The following GNAQ variants were observed in gnomAD, a reference collection of about 807,000 sequenced individuals.
GNAQ encodes the protein G protein subunit alpha q.
A neutral mutation model predicts 43.9 loss-of-function variants in GNAQ; 8 were observed. The observed-to-expected ratio is 0.18, with a 90% CI of 0.11 to 0.33. GNAQ has a LOEUF of 0.33. Ranked by LOEUF, GNAQ falls within the 10% of genes least tolerant of loss-of-function variation. The pLI is 1.00. For synonymous variants in GNAQ, 155 were observed against 170.7 expected (o/e 0.91, Z 0.71); for missense variants, 158 against 450.8 (o/e 0.35, Z 5.88).
At chr9:77,900,247 T>C (rs969098837) in intron 2 of GNAQ, among the ~76,000 whole-genome samples, 7 of 152,256 alleles carry the variant, frequency 4.6e-5, no homozygotes, top group South Asian at 2.1e-4. Context: ...CCAGAGGTAT[T>C]CCACATTCTA....
chr9:77,963,129 C>A (rs1823125942), intron 1 of GNAQ, among the ~76,000 whole-genome samples: 1 of 152,006 alleles, frequency 6.6e-6, no homozygotes, highest in Non-Finnish European at 1.5e-5. Context: ...GTGAAACTCA[C>A]GTGGAAGAAC....
intron 5 of GNAQ, among the ~76,000 whole-genome samples, chr9:77,748,111 T>C (rs1412674852): frequency 6.6e-6 from 1 of 152,098 alleles, no homozygotes; most frequent in East Asian, 1.9e-4. Flanking sequence ...AGTTTCCAAA[T>C]CCAGAGTCTC....
intron 4 of GNAQ, 123 bp from the exon 5 acceptor site, chr9:77,794,715 C>A: frequency 1.9e-6 from 1 of 530,258 alleles, no homozygotes; most frequent in South Asian, 2.9e-5. Flanking sequence ...TCATCCAAGT[C>A]AATTCAATTA....
At chr9:77,743,525 G>A (rs1263077685) in intron 5 of GNAQ, among the ~76,000 whole-genome samples, 1 of 152,154 alleles carries the variant, frequency 6.6e-6, no homozygotes, top group Non-Finnish European at 1.5e-5. Context: ...AGGGAAATGA[G>A]CACTGAAGAT....
chr9:77,767,681 A>C (rs994449630), intron 5 of GNAQ, among the ~76,000 whole-genome samples: 1 of 152,238 alleles, frequency 6.6e-6, no homozygotes, highest in Non-Finnish European at 1.5e-5. Flanking sequence ...CTTGTAAAAA[A>C]ACTCTTAAAA....
rs370410209 is a variant in GNAQ, at chr9:77,781,493, AG to A, written c.735+12969del. ...CCTTTAAGAAGATAGAAGCAGAAGGAGGGAATACCTCCTAACTCATTATGAG... is the reference window on the plus strand; with the variant it reads ...CCTTTAAGAAGATAGAAGCAGAAGGAGGAATACCTCCTAACTCATTATGAG... On this transcript the variant is annotated intron_variant, in intron 5 of 6. Coordinates refer to ENST00000286548, the MANE Select transcript of GNAQ (RefSeq NM_002072.5). 4.8e-3 allele frequency among the ~76,000 whole-genome samples: 728 copies of A among 152,250 alleles called. 6 individuals are homozygous for A. Among genetic ancestry groups the A allele is most frequent in the African/African-American group, 0.014 (599 of 41,570 alleles).
At chr9:77,789,907 G>C (rs903504902) in intron 5 of GNAQ, among the ~76,000 whole-genome samples, 1 of 151,970 alleles carries the variant, frequency 6.6e-6, no homozygotes, top group Non-Finnish European at 1.5e-5. Context: ...TCCTTCTAGC[G>C]TAAGGGAAGC....
intron 2 of GNAQ, among the ~76,000 whole-genome samples, chr9:77,914,424 C>T (rs561367949): frequency 1.2e-3 from 187 of 152,066 alleles, no homozygotes; most frequent in African/African-American, 4.2e-3. Flanking sequence ...TTTGGGAGGC[C>T]GAGGCGGGCG....
At chr9:77,823,662 G>A (rs370219588) in intron 2 of GNAQ, among the ~76,000 whole-genome samples, 9 of 152,258 alleles carry the variant, frequency 5.9e-5, no homozygotes, top group African/African-American at 1.9e-4. Flanking sequence ...ACGTCTTACC[G>A]TGGTAGAGCA....
chr9:77,887,202 C>T (rs1828322647), intron 2 of GNAQ, among the ~76,000 whole-genome samples: 1 of 152,128 alleles, frequency 6.6e-6, no homozygotes, highest in Admixed American at 6.5e-5. Context: ...CAGGGTCTCC[C>T]ATGTTTGGGA....
At chr9:77,739,202 T>C (rs1825616087) in intron 5 of GNAQ, among the ~76,000 whole-genome samples, 1 of 152,326 alleles carries the variant, frequency 6.6e-6, no homozygotes, top group Admixed American at 6.5e-5. Flanking sequence ...TCAAATTACA[T>C]GTGGCATGAA....
rs1035901511 is a variant in GNAQ at position 77,717,630 on chromosome 9, C to T, written c.*3693G>A. ...TGTGGCAGTATAAATTTTAAAATTA[C>T]AGTTCGTACACTTTGACAATCAAGA... On this transcript the variant is annotated 3_prime_UTR_variant, in exon 7 of 7. Coordinates refer to ENST00000286548, the MANE Select transcript of GNAQ (RefSeq NM_002072.5). 7.8e-5 allele frequency: 18 copies of T among 231,876 alleles called. No individual in the cohort carries two copies. Among genetic ancestry groups the T allele is most frequent in the Non-Finnish European group, 1.4e-4 (16 of 117,484 alleles). The allele number at this position is 231,876 out of a possible 1,614,324, so 14.4% of individuals were successfully genotyped here.
intron 2 of GNAQ, among the ~76,000 whole-genome samples, chr9:77,871,580 A>T (rs1329607857): frequency 6.6e-6 from 1 of 151,960 alleles, no homozygotes; most frequent in African/African-American, 2.4e-5. Flanking sequence ...CCCTTTTAAT[A>T]TCCTTTTTAA....
chr9:77,976,270 C>A (rs1203346092), intron 1 of GNAQ, among the ~76,000 whole-genome samples: 3 of 152,218 alleles, frequency 2.0e-5, no homozygotes, highest in African/African-American at 7.2e-5. Context: ...TTTCAACAAT[C>A]AAGGCTGAAG....
At chr9:77,838,159 T>C (rs1432975228) in intron 2 of GNAQ, among the ~76,000 whole-genome samples, 1 of 148,058 alleles carries the variant, frequency 6.8e-6, no homozygotes, top group Non-Finnish European at 1.5e-5. Context: ...TTTTTTTTTT[T>C]TGAGAAGGAG....
At chr9:77,758,134 T>A (rs1440343288) in intron 5 of GNAQ, among the ~76,000 whole-genome samples, 1 of 152,250 alleles carries the variant, frequency 6.6e-6, no homozygotes, top group East Asian at 1.9e-4. Context: ...TCTCCAGTGG[T>A]GGGACCATCT....
intron 1 of GNAQ, among the ~76,000 whole-genome samples, chr9:78,001,256 C>T (rs779894035): frequency 1.9e-4 from 29 of 151,892 alleles, no homozygotes; most frequent in Non-Finnish European, 3.5e-4. Flanking sequence ...AAAAAAATTG[C>T]CAGGCTTGGT....
At chr9:77,847,524 A>G (rs1827606952) in intron 2 of GNAQ, among the ~76,000 whole-genome samples, 1 of 152,252 alleles carries the variant, frequency 6.6e-6, no homozygotes, top group African/African-American at 2.4e-5. Context: ...GGTGGGTAGT[A>G]TAATTTACAG....
At chr9:77,832,087 CTT>C (rs34672083) in intron 2 of GNAQ, among the ~76,000 whole-genome samples, 3 of 146,184 alleles carry the variant, frequency 2.1e-5, no homozygotes, top group Admixed American at 6.8e-5. Context: ...GATTAGAGCA[CTT>C]TTTTTTTTTT....
Sources: gnomAD v4.1 joint callset for allele counts (sites outside exome capture counted in the v4.1 genomes callset) on GRCh38, gnomAD v4.1.1 for gene constraint, MANE v1.5 for transcripts, NCBI Gene and HGNC (gene_info 2026-07-23, HGNC 2026-07-21) for gene names.